ADAM10: variants seen among roughly 807,000 people sequenced by gnomAD.
ADAM10 encodes the protein ADAM metallopeptidase domain 10, also known as disintegrin and metalloproteinase domain-containing protein 10.
A neutral mutation model predicts 90.1 loss-of-function variants in ADAM10; 17 were observed. The observed-to-expected ratio is 0.19, with a 90% CI of 0.13 to 0.28. The LOEUF (loss-of-function observed/expected upper bound fraction) is 0.28. Among genes scored for constraint, ADAM10 ranks in the 10% least tolerant of loss-of-function variants. ADAM10 has a pLI of 1.00. For synonymous variants in ADAM10, 310 were observed against 298.6 expected, an observed-to-expected ratio of 1.04 and a Z score of -0.40; for missense variants, 610 against 914.3, an observed-to-expected ratio of 0.67 and a Z score of 4.29.
In ADAM10 at chr15:58,646,211, A is replaced by G. The variant is rs941698285; in HGVS notation, c.586-7T>C. On this transcript the variant is annotated splice_region_variant and splice_polypyrimidine_tract_variant and intron_variant, in intron 5 of 15. Transcript: ENST00000260408. ...CATGTTCTTCTTGAGGTATCTATACATCAAAAAGTCATTTCTGACAATTAG... is the reference window on the plus strand; with the variant it reads ...CATGTTCTTCTTGAGGTATCTATACGTCAAAAAGTCATTTCTGACAATTAG... 15 of 1,611,012 alleles carry G rather than the reference A, an allele frequency of 9.3e-6. No homozygotes were observed. The highest frequency in any genetic ancestry group is 1.3e-5 in the Non-Finnish European group (15 of 1,179,354).
intron 10 of ADAM10, among the ~76,000 whole-genome samples, chr15:58,624,147 G>A (rs1436271553): frequency 2.0e-5 from 3 of 151,946 alleles, no homozygotes; most frequent in East Asian, 2.0e-4. Flanking sequence ...CCAGCTAGGC[G>A]TGGTGGCGCA....
At chr15:58,660,684 A>G (rs1896945614) in intron 5 of ADAM10, among the ~76,000 whole-genome samples, 1 of 151,966 alleles carries the variant, frequency 6.6e-6, no homozygotes, top group Non-Finnish European at 1.5e-5. Flanking sequence ...TCTTCTTCCT[A>G]ACTTCTCTTA....
chr15:58,672,688 T>G (rs1386952187), intron 4 of ADAM10: 3 of 149,804 alleles, frequency 2.0e-5, no homozygotes, highest in Non-Finnish European at 1.5e-5. Flanking sequence ...GTGGATATGG[T>G]GCATATGACA....
chr15:58,629,760 T>C (rs1896050818), intron 9 of ADAM10, among the ~76,000 whole-genome samples: 1 of 151,270 alleles, frequency 6.6e-6, no homozygotes, highest in Non-Finnish European at 1.5e-5. Flanking sequence ...ATTTGGACTA[T>C]ACCATGTGTA....
chr15:58,714,224 C>A (rs1295712544), intron 2 of ADAM10, among the ~76,000 whole-genome samples: 2 of 151,848 alleles, frequency 1.3e-5, no homozygotes, highest in African/African-American at 2.4e-5. Flanking sequence ...GGAAGCCATG[C>A]TGAAAGTGTG....
Position 58,749,470 on chromosome 15 carries a change from C to A in ADAM10, c.55+10G>T, listed in dbSNP as rs1347493623. The A allele has an allele frequency of 1.3e-6, 2 of 1,541,050 alleles. No individual in the cohort carries two copies. The highest frequency in any genetic ancestry group is 1.7e-4 in the Middle Eastern group (1 of 5,836). On this transcript the variant is annotated intron_variant, in intron 1 of 15. Coordinates refer to ENST00000260408, the MANE Select transcript of ADAM10 (RefSeq NM_001110.4). Reference sequence around the variant, plus strand: ...TCGCGGCGCCCCCGGCGCTCGCAGTCGTGCCTCACCTCCCATCCCCGCCGC... The same window carrying A: ...TCGCGGCGCCCCCGGCGCTCGCAGTAGTGCCTCACCTCCCATCCCCGCCGC...
intron 1 of ADAM10, among the ~76,000 whole-genome samples, chr15:58,730,894 A>C (rs1244332576): frequency 6.6e-6 from 1 of 152,240 alleles, no homozygotes; most frequent in African/African-American, 2.4e-5. Context: ...TGCGGCCTTC[A>C]GCCTCAGACA....
intron 1 of ADAM10, among the ~76,000 whole-genome samples, chr15:58,724,313 A>T (rs371596078): frequency 1.6e-4 from 25 of 152,318 alleles, no homozygotes; most frequent in African/African-American, 6.0e-4. Context: ...CATAACTCAC[A>T]CTAGACAGAT....
At chr15:58,686,215 G>C (rs1350299632) in intron 2 of ADAM10, among the ~76,000 whole-genome samples, 1 of 152,138 alleles carries the variant, frequency 6.6e-6, no homozygotes, top group Non-Finnish European at 1.5e-5. Context: ...CCAATTACTG[G>C]ATCTTACAAG....
intron 1 of ADAM10, among the ~76,000 whole-genome samples, chr15:58,729,621 C>G (rs1180507540): frequency 6.6e-6 from 1 of 152,122 alleles, no homozygotes; most frequent in African/African-American, 2.4e-5. Flanking sequence ...AATCTGAAAT[C>G]CAAAATGTTC....
chr15:58,679,924 A>C (rs1175168224), intron 3 of ADAM10, among the ~76,000 whole-genome samples: 1 of 152,092 alleles, frequency 6.6e-6, no homozygotes, highest in East Asian at 1.9e-4. Flanking sequence ...AAAACAAAAC[A>C]ATTAATTGTT....
chr15:58,735,004 T>A (rs1159526867), intron 1 of ADAM10, among the ~76,000 whole-genome samples: 4 of 152,222 alleles, frequency 2.6e-5, no homozygotes, highest in Non-Finnish European at 4.4e-5. Context: ...ATGCAGAGAC[T>A]GGACCTATCA....
rs1566982335 is a variant in ADAM10 at position 58,655,710 on chromosome 15, A to ATATATAGTGT, written c.585+9386_585+9387insACACTATATA. On this transcript the variant is annotated intron_variant, in intron 5 of 15. Coordinates refer to ENST00000260408, the MANE Select transcript of ADAM10 (RefSeq NM_001110.4). ...TATTATATATAGTATATATATATAT[A>ATATATAGTGT]GTATATATATATATATATATATATA... is the stretch of plus-strand genomic sequence containing the variant. Among the ~76,000 whole-genome samples the ATATATAGTGT allele has an allele frequency of 1.2e-3, 52 of 44,206 alleles. 1 individual carries two copies. The East Asian group carries it at 0.017, about 14-fold the overall frequency. The allele number at this position is 44,206 out of a possible 152,430, so 29.0% of individuals were successfully genotyped here. A position where few individuals can be genotyped will look rare whatever the true frequency, so the allele number is the denominator to read the frequency against.
intron 2 of ADAM10, among the ~76,000 whole-genome samples, chr15:58,699,174 C>T (rs1271014868): frequency 1.3e-5 from 2 of 152,156 alleles, no homozygotes; most frequent in Non-Finnish European, 2.9e-5. Context: ...AAATACCTGG[C>T]AGCCAAGATT....
chr15:58,725,038 A>C (rs1398537877), intron 1 of ADAM10, among the ~76,000 whole-genome samples: 1 of 151,732 alleles, frequency 6.6e-6, no homozygotes, highest in Non-Finnish European at 1.5e-5. Flanking sequence ...TAAATATAAA[A>C]ACTAGCTGGG....
At chr15:58,650,297 A>G (rs1896653186) in intron 5 of ADAM10, among the ~76,000 whole-genome samples, 1 of 152,108 alleles carries the variant, frequency 6.6e-6, no homozygotes, top group South Asian at 2.1e-4. Context: ...ATTTGATGTG[A>G]AGTTGTGATT....
At chr15:58,656,506 C>A (rs1307651699) in intron 5 of ADAM10, among the ~76,000 whole-genome samples, 1 of 151,894 alleles carries the variant, frequency 6.6e-6, no homozygotes, top group Non-Finnish European at 1.5e-5. Context: ...TTGAAGTTAC[C>A]ATGAGGCTTG....
chr15:58,681,370 T>C (rs1161702545), intron 3 of ADAM10, among the ~76,000 whole-genome samples: 2 of 152,196 alleles, frequency 1.3e-5, no homozygotes, highest in African/African-American at 2.4e-5. Flanking sequence ...AAAGTTTAAG[T>C]ATAGAAATGC....
At chr15:58,648,122 T>C (rs1468564929) in intron 5 of ADAM10, among the ~76,000 whole-genome samples, 2 of 152,196 alleles carry the variant, frequency 1.3e-5, no homozygotes, top group African/African-American at 4.8e-5. Flanking sequence ...TTTGCTTCAC[T>C]ATAGTAACCA....
Sources: allele counts gnomAD v4.1 joint callset (sites outside exome capture counted in the v4.1 genomes callset), GRCh38; gene constraint gnomAD v4.1.1; transcripts MANE v1.5; gene names NCBI Gene and HGNC (gene_info 2026-07-23, HGNC 2026-07-21).